The following CMTM8 variants were observed in gnomAD, a reference collection of about 807,000 sequenced individuals.
CMTM8 encodes CKLF-like MARVEL transmembrane domain-containing protein 8.
Under a neutral mutation model 18.6 loss-of-function variants are expected in CMTM8, and 12 were observed. That is an observed-to-expected ratio of 0.65 (90% CI 0.41 to 1.05). The LOEUF (loss-of-function observed/expected upper bound fraction) is 1.05. Among genes scored for constraint, CMTM8 ranks in the 50% least tolerant of loss-of-function variants. The pLI is 0.00. For synonymous variants in CMTM8, 87 were observed against 90.6 expected (o/e 0.96, Z 0.23); for missense variants, 217 against 227.2 (o/e 0.95, Z 0.29).
chr3:32,271,215 C>T (rs978788817), intron 1 of CMTM8, among the ~76,000 whole-genome samples: 7 of 152,184 alleles, frequency 4.6e-5, no homozygotes, highest in Admixed American at 4.6e-4. Context: ...CAACCTCTGC[C>T]TCCTGGCTTC....
At chr3:32,306,576 T>C (rs980484550) in intron 1 of CMTM8, among the ~76,000 whole-genome samples, 27 of 152,188 alleles carry the variant, frequency 1.8e-4, no homozygotes, top group Non-Finnish European at 8.8e-5. Flanking sequence ...GTGATAAATA[T>C]CTTTGTACAT....
chr3:32,367,554 A>G (rs1697063652), intron 2 of CMTM8, among the ~76,000 whole-genome samples: 1 of 152,170 alleles, frequency 6.6e-6, no homozygotes, highest in Non-Finnish European at 1.5e-5. Context: ...GCTGCCTGCC[A>G]TCCTCAGACA....
At chr3:32,357,739 C>T (rs1401529727) in intron 2 of CMTM8, among the ~76,000 whole-genome samples, 193 bp downstream of exon 2, 15 of 152,190 alleles carry the variant, frequency 9.9e-5, no homozygotes, top group Admixed American at 9.8e-4. Context: ...TGAAACTGGG[C>T]ACATTAGAAG....
chr3:32,356,564 C>T (rs1696818359), intron 1 of CMTM8, among the ~76,000 whole-genome samples: 1 of 152,194 alleles, frequency 6.6e-6, no homozygotes, highest in Non-Finnish European at 1.5e-5. Flanking sequence ...AAATGCACAA[C>T]GTGTGGTAAA....
Position 32,295,165 on chromosome 3 carries a change from G to A in CMTM8, c.147+56046G>A, listed in dbSNP as rs140156658. ...TGTTCCAGGCATAGATCTCAAAACT[G>A]AGGATTTAGGCTGGGCACGGTAGCT... On this transcript the variant is annotated intron_variant, in intron 1 of 3. Transcript: ENST00000307526. Among the ~76,000 whole-genome samples, 5 of 151,356 alleles carry A rather than the reference G, an allele frequency of 3.3e-5. No homozygotes were observed. The East Asian group carries it at 7.9e-4, about 24-fold the overall frequency.
chr3:32,322,160 A>G (rs1696070357), intron 1 of CMTM8, among the ~76,000 whole-genome samples: 1 of 152,168 alleles, frequency 6.6e-6, no homozygotes, highest in Non-Finnish European at 1.5e-5. Flanking sequence ...GAGGAAAACC[A>G]CAGGTCCCAG....
chr3:32,280,846 C>CAAAA (rs60845487), intron 1 of CMTM8, among the ~76,000 whole-genome samples: 9 of 68,170 alleles, frequency 1.3e-4, no homozygotes, highest in Non-Finnish European at 1.8e-4. Context: ...AGAAAATAGG[C>CAAAA]AAAAAAAAAA....
intron 1 of CMTM8, among the ~76,000 whole-genome samples, chr3:32,332,520 A>G (rs1352302072): frequency 1.3e-5 from 2 of 152,078 alleles, no homozygotes; most frequent in Non-Finnish European, 2.9e-5. Context: ...ATGGGAAAGG[A>G]GATCTGGCCT....
At chr3:32,258,590 G>A (rs981980200) in intron 1 of CMTM8, among the ~76,000 whole-genome samples, 6 of 152,020 alleles carry the variant, frequency 3.9e-5, no homozygotes, top group Admixed American at 1.3e-4. Flanking sequence ...GTTCACTAAA[G>A]CCTCGACCTC....
chr3:32,251,924 T>C (rs1360972710), intron 1 of CMTM8, among the ~76,000 whole-genome samples: 3 of 151,826 alleles, frequency 2.0e-5, no homozygotes, highest in African/African-American at 7.3e-5. Context: ...ACCCGGTCTC[T>C]ACAAAAAACA....
At position 32,241,803 on chromosome 3, in the gene CMTM8, C is replaced by A. The variant is rs149666791; in HGVS notation, c.147+2684C>A. ...AATACCACTTACAACTGACCCAGTG[C>A]GTAGACTATGAATGCTTTTCCTTTC... On this transcript the variant is annotated intron_variant, in intron 1 of 3. Coordinates refer to ENST00000307526, the MANE Select transcript of CMTM8 (RefSeq NM_178868.5). 1.3e-3 allele frequency among the ~76,000 whole-genome samples: 195 copies of A among 152,290 alleles called. 1 individual carries two copies. The Middle Eastern group carries it at 0.051, about 40-fold the overall frequency.
At chr3:32,286,213 G>A (rs1336612589) in intron 1 of CMTM8, among the ~76,000 whole-genome samples, 1 of 152,198 alleles carries the variant, frequency 6.6e-6, no homozygotes, top group African/African-American at 2.4e-5. Context: ...ACATGAATGA[G>A]TGTGGTGCAT....
In CMTM8 at chr3:32,358,014, C is replaced by T. The variant is rs1311851146; in HGVS notation, c.321+468C>T. 2.0e-5 allele frequency among the ~76,000 whole-genome samples: 3 copies of T among 152,124 alleles called. No individual in the cohort carries two copies. Among genetic ancestry groups the T allele is most frequent in the Admixed American group, 2.0e-4 (3 of 15,276 alleles). On this transcript the variant is annotated intron_variant, in intron 2 of 3. Coordinates refer to ENST00000307526, the MANE Select transcript of CMTM8 (RefSeq NM_178868.5). This position sits in a 1 kb window ranked among gnomAD's most constrained non-coding sequence, Gnocchi z 4.1. ...GGAGTTAGAATGCAAATGAAAATTGCTATTAGAAAACATAGGTGTTCTTAT... is the reference window on the plus strand; with the variant it reads ...GGAGTTAGAATGCAAATGAAAATTGTTATTAGAAAACATAGGTGTTCTTAT...
intron 1 of CMTM8, among the ~76,000 whole-genome samples, chr3:32,340,307 C>T (rs538369983): frequency 6.6e-6 from 1 of 152,262 alleles, no homozygotes; most frequent in East Asian, 1.9e-4. Context: ...TGAAGATGGT[C>T]GCCATGCTTG....
intron 1 of CMTM8, among the ~76,000 whole-genome samples, chr3:32,276,781 A>T (rs1310085954): frequency 2.6e-5 from 4 of 152,026 alleles, no homozygotes; most frequent in African/African-American, 9.7e-5. Flanking sequence ...GTTTGTCTGG[A>T]TGAACTTGTT....
intron 1 of CMTM8, among the ~76,000 whole-genome samples, chr3:32,340,246 G>C (rs1399502130): frequency 6.6e-6 from 1 of 152,180 alleles, no homozygotes; most frequent in South Asian, 2.1e-4. Context: ...GGGTCCGGTT[G>C]TATCACCTTA....
chr3:32,294,686 G>A (rs149283026), intron 1 of CMTM8, among the ~76,000 whole-genome samples: 114 of 152,318 alleles, frequency 7.5e-4, no homozygotes, highest in Non-Finnish European at 1.2e-3. Flanking sequence ...GGGCAGATCC[G>A]TCTTCTTGTT....
chr3:32,330,709 G>A (rs766583307), intron 1 of CMTM8, among the ~76,000 whole-genome samples: 31 of 151,700 alleles, frequency 2.0e-4, no homozygotes, highest in Middle Eastern at 3.4e-3. Flanking sequence ...ATGGAAAAAT[G>A]GACAAACATA....
chr3:32,327,817 G>T (rs1373755891), intron 1 of CMTM8, among the ~76,000 whole-genome samples: 2 of 152,144 alleles, frequency 1.3e-5, no homozygotes, highest in Admixed American at 6.5e-5. Flanking sequence ...GATTCTTTTC[G>T]ATTATAGTAA....
Sources: allele counts gnomAD v4.1 joint callset (sites outside exome capture counted in the v4.1 genomes callset), GRCh38; gene constraint gnomAD v4.1.1; non-coding constraint Gnocchi (gnomAD v3.1); transcripts MANE v1.5; gene names NCBI Gene and HGNC (gene_info 2026-07-23, HGNC 2026-07-21).